RABGAP1L: variants seen among roughly 807,000 people sequenced by gnomAD.
RABGAP1L encodes rab GTPase-activating protein 1-like.
Under a neutral mutation model 137.7 loss-of-function variants are expected in RABGAP1L, and 63 were observed. The ratio of observed to expected loss-of-function variants is 0.46; its 90% CI spans 0.37 to 0.56. The LOEUF (loss-of-function observed/expected upper bound fraction) is 0.56, where lower values mean the gene tolerates loss of function less well. Among genes scored for constraint, RABGAP1L ranks in the 20% least tolerant of loss-of-function variants. The pLI is 0.00. For missense variants in RABGAP1L, 1,095 were observed against 1,244.0 expected, an observed-to-expected ratio of 0.88 and a Z score of 1.80; for synonymous variants, 431 against 433.7, an observed-to-expected ratio of 0.99 and a Z score of 0.08.
intron 17 of RABGAP1L, among the ~76,000 whole-genome samples, chr1:174,718,073 C>T (rs1681171048): frequency 6.6e-6 from 1 of 152,190 alleles, no homozygotes; most frequent in South Asian, 2.1e-4. Context: ...CAGGAAACCT[C>T]TGTGAAGCTT....
intron 10 of RABGAP1L, among the ~76,000 whole-genome samples, chr1:174,291,558 A>G (rs1324823435): frequency 6.6e-6 from 1 of 152,188 alleles, no homozygotes; most frequent in Non-Finnish European, 1.5e-5. Flanking sequence ...TGTTGGATAG[A>G]GTTCACCAGT....
chr1:174,967,733 G>A (rs530398140), intron 20 of RABGAP1L, among the ~76,000 whole-genome samples: 1 of 151,818 alleles, frequency 6.6e-6, no homozygotes, highest in South Asian at 2.1e-4. Context: ...GCAATCCTCC[G>A]GTCTCAGGCT....
chr1:174,649,310 A>C (rs1675258411), intron 14 of RABGAP1L, among the ~76,000 whole-genome samples: 1 of 151,928 alleles, frequency 6.6e-6, no homozygotes, highest in Non-Finnish European at 1.5e-5. Flanking sequence ...GGTCTTTACA[A>C]TTTGGTATGT....
chr1:174,912,646 A>T (rs1010684123), intron 19 of RABGAP1L, among the ~76,000 whole-genome samples: 1 of 152,250 alleles, frequency 6.6e-6, no homozygotes, highest in Non-Finnish European at 1.5e-5. Context: ...ATTTGTTGAA[A>T]ATAACTGAAT....
At position 174,458,240 on chromosome 1, in the gene RABGAP1L, A is replaced by G. The variant is rs961101153; in HGVS notation, c.1710+64095A>G. Among the ~76,000 whole-genome samples, 4 of 152,208 alleles carry G rather than the reference A, an allele frequency of 2.6e-5. No individual in the cohort carries two copies. In the South Asian group the frequency reaches 6.2e-4, roughly 24 times the overall value. On this transcript the variant is annotated intron_variant, in intron 13 of 25. Coordinates refer to ENST00000681986, the MANE Select transcript of RABGAP1L (RefSeq NM_001366446.1). ...TATTACCCATGGGTGCTTTTGTGCTACAATGGTAGAGAGTAGTTGTCATGG... is the reference window on the plus strand; with the variant it reads ...TATTACCCATGGGTGCTTTTGTGCTGCAATGGTAGAGAGTAGTTGTCATGG...
In RABGAP1L at chr1:174,988,716, A is replaced by T; in HGVS notation, c.2881A>T (p.Arg961Ter). Residue 961 changes from arginine (R) to a stop codon, truncating the protein, a stop_gained, in exon 25 of 26, where the codon AGA (arginine) becomes TGA (stop). Transcript: ENST00000681986. LOFTEE classifies it high-confidence loss of function. The stretch of plus-strand genomic sequence containing the variant: ...TGCTTTGAAACTAGCAGCCACAGGC[A>T]GAGAGGACCAGGGAATTGAAACAGA... ...EGALKLAATG[R>*]EDQGIETDDE... The T allele has an allele frequency of 2.6e-6, 4 of 1,549,484 alleles. No individual in the cohort carries two copies. Among genetic ancestry groups the T allele is most frequent in the Non-Finnish European group, 3.5e-6 (4 of 1,146,432 alleles).
At chr1:174,495,529 G>T (rs2149363113) in intron 13 of RABGAP1L, among the ~76,000 whole-genome samples, 1 of 152,198 alleles carries the variant, frequency 6.6e-6, no homozygotes, top group South Asian at 2.1e-4. Flanking sequence ...AAATTCAAAA[G>T]ATCCAAAAGG....
chr1:174,181,572 C>T (rs1420078267), intron 1 of RABGAP1L, among the ~76,000 whole-genome samples: 2 of 152,186 alleles, frequency 1.3e-5, no homozygotes, highest in Non-Finnish European at 2.9e-5. Context: ...CTCATGACCT[C>T]GTGATCTGCC....
At chr1:174,528,901 T>C (rs1360295320) in intron 13 of RABGAP1L, among the ~76,000 whole-genome samples, 1 of 151,652 alleles carries the variant, frequency 6.6e-6, no homozygotes, top group Non-Finnish European at 1.5e-5. Context: ...TTTTATTCTT[T>C]TTTATTTTTG....
chr1:174,680,051 AG>A, intron 14 of RABGAP1L, among the ~76,000 whole-genome samples: 1 of 152,240 alleles, frequency 6.6e-6, no homozygotes, highest in Non-Finnish European at 1.5e-5. Flanking sequence ...GAACCATAAA[AG>A]ACAAAAACTA....
chr1:174,450,734 C>A (rs553990586), intron 13 of RABGAP1L, among the ~76,000 whole-genome samples: 11 of 152,252 alleles, frequency 7.2e-5, no homozygotes, highest in Admixed American at 2.0e-4. Context: ...AGTAAAACAT[C>A]TAAGTATTAC....
In RABGAP1L at chr1:174,387,493, A is replaced by G. The variant is rs147653620; in HGVS notation, c.1560-6502A>G. Reference sequence around the variant, plus strand: ...CTCATGTGCCCACTGCCCAACTTCAATAAAGACAATATCTAACAAATTTCT... The same window carrying G: ...CTCATGTGCCCACTGCCCAACTTCAGTAAAGACAATATCTAACAAATTTCT... On this transcript the variant is annotated intron_variant, in intron 12 of 25. Transcript: ENST00000681986. 1.0e-2 allele frequency among the ~76,000 whole-genome samples: 1,516 copies of G among 152,308 alleles called. 16 individuals are homozygous for G. The highest frequency in any genetic ancestry group is 0.023 in the South Asian group (112 of 4,826).
At chr1:174,609,886 A>C (rs1230608402) in intron 13 of RABGAP1L, among the ~76,000 whole-genome samples, 2 of 152,048 alleles carry the variant, frequency 1.3e-5, no homozygotes, top group Non-Finnish European at 2.9e-5. Context: ...CAGTTTTTTA[A>C]ATTATTTTGG....
At chr1:174,668,246 CAT>C (rs1321980909) in intron 14 of RABGAP1L, among the ~76,000 whole-genome samples, 2 of 152,140 alleles carry the variant, frequency 1.3e-5, no homozygotes, top group Non-Finnish European at 2.9e-5. Context: ...CTTTGACCAA[CAT>C]CTCAGCACTC....
intron 11 of RABGAP1L, among the ~76,000 whole-genome samples, chr1:174,316,786 C>G (rs1679412760): frequency 6.6e-6 from 1 of 152,070 alleles, no homozygotes; most frequent in Non-Finnish European, 1.5e-5. Flanking sequence ...GAGGTGCCAT[C>G]CAGGAGTCAG....
chr1:174,716,023 AAC>A (rs1242794369), intron 17 of RABGAP1L, among the ~76,000 whole-genome samples: 1 of 152,230 alleles, frequency 6.6e-6, no homozygotes. Context: ...CATATAACCT[AAC>A]ACATCCTTCC....
intron 15 of RABGAP1L, among the ~76,000 whole-genome samples, chr1:174,696,303 CA>C (rs913818993): frequency 6.6e-6 from 1 of 151,960 alleles, no homozygotes; most frequent in African/African-American, 2.4e-5. Flanking sequence ...CTCTTTTCCA[CA>C]AGCAGAAAAG....
intron 20 of RABGAP1L, chr1:174,965,066 G>C: frequency 4.7e-6 from 5 of 1,064,514 alleles, no homozygotes; most frequent in Non-Finnish European, 6.7e-6. Context: ...CCTCCCAAAA[G>C]TTACTAACCA....
At chr1:174,791,032 A>G (rs1272328112) in intron 18 of RABGAP1L, among the ~76,000 whole-genome samples, 1 of 152,106 alleles carries the variant, frequency 6.6e-6, no homozygotes, top group African/African-American at 2.4e-5. Context: ...CTCTACTAAA[A>G]ATACAAAAAT....
Sources: gnomAD v4.1 joint callset for allele counts (sites outside exome capture counted in the v4.1 genomes callset) on GRCh38, gnomAD v4.1.1 for gene constraint, MANE v1.5 for transcripts, NCBI Gene and HGNC (gene_info 2026-07-23, HGNC 2026-07-21) for gene names.